The following RBM25 variants were observed in gnomAD, a reference collection of about 807,000 sequenced individuals.
RBM25 encodes the protein RNA-binding protein 25.
Under a neutral mutation model 120.7 loss-of-function variants are expected in RBM25, and 19 were observed. The observed-to-expected ratio is 0.16, with a 90% CI of 0.11 to 0.23. The LOEUF (loss-of-function observed/expected upper bound fraction) is 0.23, where lower values mean the gene tolerates loss of function less well. RBM25 is among the 10% of genes least tolerant of loss of function. The pLI, the probability that RBM25 is intolerant of heterozygous loss-of-function variation, is 1.00. For synonymous variants in RBM25, 390 were observed against 326.7 expected, an observed-to-expected ratio of 1.19 and a Z score of -2.09; for missense variants, 605 against 1,041.5, an observed-to-expected ratio of 0.58 and a Z score of 5.77.
At chr14:73,106,873 C>T (rs1446344459) in intron 12 of RBM25, among the ~76,000 whole-genome samples, 2 of 147,162 alleles carry the variant, frequency 1.4e-5, no homozygotes, top group African/African-American at 5.0e-5. Flanking sequence ...CGGAGTGTTG[C>T]TCTGCCACCC....
At chr14:73,076,433 A>T in intron 3 of RBM25, 65 bp downstream of exon 3, 2 of 1,384,518 alleles carry the variant, frequency 1.4e-6, no homozygotes. Flanking sequence ...GCTGAACAGC[A>T]TGATAAACTT....
At position 73,103,466 on chromosome 14, in the gene RBM25, G is replaced by T; in HGVS notation, c.1142G>T (p.Arg381Leu). 6.3e-7 allele frequency: 1 copy of T among 1,595,574 alleles called. No homozygotes were observed. Among genetic ancestry groups the T allele is most frequent in the Non-Finnish European group, 8.5e-7 (1 of 1,172,338 alleles). ...RERSSDRNKD[R>L]SRSREKSRDR... is the part of the protein sequence containing the mutation. The stretch of plus-strand genomic sequence containing the variant: ...AGGAGCTCAGATCGTAATAAGGATC[G>T]CAGTCGATCAAGGTAAGGCTTTACA... Residue 381 changes from arginine to leucine, a missense_variant, in exon 10 of 19, where the codon CGC becomes CTC. Physicochemically the swap from Arg to Leu is moderately radical, Grantham distance 102. Around this residue, in one of 4 missense-constraint regions of RBM25, gnomAD observed 465 missense variants for 741.6 expected, o/e 0.63. Transcript: ENST00000261973.
intron 1 of RBM25, among the ~76,000 whole-genome samples, chr14:73,071,051 G>A (rs1431710882): frequency 2.0e-5 from 3 of 151,212 alleles, no homozygotes; most frequent in African/African-American, 7.3e-5. Flanking sequence ...AGACCATCCT[G>A]GCCAACATGG....
At chr14:73,097,623 C>G (rs1047207757) in intron 7 of RBM25, among the ~76,000 whole-genome samples, 1 of 152,202 alleles carries the variant, frequency 6.6e-6, no homozygotes, top group East Asian at 1.9e-4. Context: ...TCATGAGCCA[C>G]TGCGCCCGGC....
chr14:73,121,035 C>G lies in RBM25; in HGVS notation c.*1230C>G, dbSNP rs1435135914. On this transcript the variant is annotated 3_prime_UTR_variant, in exon 19 of 19. Transcript: ENST00000261973. ...TCCTGGGGCTTTCTTCGTTGTAGATCAGAATTTCACCAGGGAGTAAAATTA... is the reference window on the plus strand; with the variant it reads ...TCCTGGGGCTTTCTTCGTTGTAGATGAGAATTTCACCAGGGAGTAAAATTA... 1 of 152,118 alleles carries G rather than the reference C, an allele frequency of 6.6e-6. No homozygotes were observed. Among genetic ancestry groups the G allele is most frequent in the Non-Finnish European group, 1.5e-5 (1 of 68,006 alleles). The allele number at this position is 152,118 out of a possible 1,614,324, so 9.4% of individuals were successfully genotyped here.
Position 73,106,015 on chromosome 14 carries a change from A to T in RBM25, c.1311A>T (p.Glu437Asp). The T allele has an allele frequency of 6.2e-7, 1 of 1,613,764 alleles. No individual in the cohort carries two copies. The highest frequency in any genetic ancestry group is 8.5e-7 in the Non-Finnish European group (1 of 1,179,806). ...KDKKRDREED[E>D]EDAYERRKLE... ...AAAAACGGGACCGAGAAGAAGATGAAGAAGATGCATACGAACGAAGAAAAC... is the reference window on the plus strand; with the variant it reads ...AAAAACGGGACCGAGAAGAAGATGATGAAGATGCATACGAACGAAGAAAAC... Residue 437 changes from glutamate to aspartate, a missense_variant, in exon 11 of 19, where the codon GAA (glutamate) becomes GAT (aspartate). Glu to Asp is a conservative substitution (Grantham distance 45). This residue lies in a region of RBM25 where 465 missense variants were observed against 741.6 expected (regional missense o/e 0.63). Transcript: ENST00000261973.
At chr14:73,109,801 G>A (rs967786468) in intron 14 of RBM25, among the ~76,000 whole-genome samples, 5 of 152,186 alleles carry the variant, frequency 3.3e-5, no homozygotes, top group African/African-American at 1.2e-4. Context: ...GGGTTCAAGC[G>A]ATTCTCCTGC....
At chr14:73,082,953 G>A (rs1245886891) in intron 4 of RBM25, among the ~76,000 whole-genome samples, 1 of 151,804 alleles carries the variant, frequency 6.6e-6, no homozygotes, top group Non-Finnish European at 1.5e-5. Flanking sequence ...GGTGGTGCCT[G>A]CATGTAGTCC....
chr14:73,083,461 G>A (rs1043234024), intron 4 of RBM25, 33 bp from the exon 5 acceptor site: 1 of 1,497,844 alleles, frequency 6.7e-7, no homozygotes, highest in Non-Finnish European at 9.0e-7. Flanking sequence ...TTGTTAAATG[G>A]TAGCAATCTG....
intron 1 of RBM25, among the ~76,000 whole-genome samples, chr14:73,061,539 T>C (rs1224786782): frequency 2.0e-5 from 3 of 151,320 alleles, no homozygotes; most frequent in Non-Finnish European, 3.0e-5. Context: ...CCCTCATTTT[T>C]CTGTATAGAT....
chr14:73,108,815 G>T (rs1433211984), intron 13 of RBM25, among the ~76,000 whole-genome samples: 2 of 152,166 alleles, frequency 1.3e-5, no homozygotes, highest in African/African-American at 4.8e-5. Context: ...AAATATTGAA[G>T]GCTAGAAGCA....
intron 18 of RBM25, among the ~76,000 whole-genome samples, chr14:73,118,551 T>C (rs1896480698): frequency 6.6e-6 from 1 of 152,152 alleles, no homozygotes; most frequent in South Asian, 2.1e-4. Flanking sequence ...ATTATGTAAT[T>C]GTATATTATT....
At chr14:73,088,205 A>G (rs746704947) in intron 6 of RBM25, 44 bp downstream of exon 6, 1 of 1,605,484 alleles carries the variant, frequency 6.2e-7, no homozygotes. Context: ...AGACTGTGCT[A>G]TTTCAGTGTA....
intron 7 of RBM25, 94 bp downstream of exon 7, chr14:73,097,194 T>C (rs1483887687): frequency 2.4e-6 from 1 of 416,116 alleles, no homozygotes; most frequent in Non-Finnish European, 3.1e-6. Flanking sequence ...CTTTTTTCTT[T>C]TCTTTTTTTT....
At chr14:73,079,009 C>T (rs1374153791) in intron 4 of RBM25, among the ~76,000 whole-genome samples, 1 of 152,090 alleles carries the variant, frequency 6.6e-6, no homozygotes, top group African/African-American at 2.4e-5. Context: ...TTATTCTGAG[C>T]TTGAATAGTA....
intron 1 of RBM25, among the ~76,000 whole-genome samples, chr14:73,066,515 G>T (rs796786861): frequency 4.7e-4 from 71 of 152,076 alleles, no homozygotes; most frequent in African/African-American, 1.5e-3. Flanking sequence ...TGCGTGCCTT[G>T]TGGTGTGCAC....
At chr14:73,077,654 C>A in intron 4 of RBM25, 118 bp downstream of exon 4, 3 of 916,744 alleles carry the variant, frequency 3.3e-6, no homozygotes, top group Non-Finnish European at 4.8e-6. Context: ...AGTCCTGCAG[C>A]AAAGGTGAAA....
chr14:73,090,388 C>T (rs1187955212), intron 6 of RBM25, among the ~76,000 whole-genome samples: 2 of 152,140 alleles, frequency 1.3e-5, no homozygotes, highest in African/African-American at 4.8e-5. Flanking sequence ...TCAAGGCTCA[C>T]TCCAGTCCAC....
At chr14:73,117,220 T>C (rs1245960323) in intron 18 of RBM25, among the ~76,000 whole-genome samples, 1,262 of 43,522 alleles carry the variant, frequency 0.029, 42 homozygotes, top group African/African-American at 0.096. Context: ...CTTTTTTTTT[T>C]TTTTTTTTTT....
Sources: gnomAD v4.1 joint callset for allele counts (sites outside exome capture counted in the v4.1 genomes callset) on GRCh38, gnomAD v4.1.1 for gene constraint, gnomAD v4.1.1 regional missense constraint, MANE v1.5 for transcripts, NCBI Gene and HGNC (gene_info 2026-07-23, HGNC 2026-07-21) for gene names.